Variants in GREB1 observed in about 807,000 individuals in gnomAD.
The protein encoded by GREB1 is growth regulating estrogen receptor binding 1.
A neutral mutation model predicts 200.7 loss-of-function variants in GREB1; 106 were observed. The observed-to-expected ratio is 0.53, with a 90% CI of 0.45 to 0.62. The LOEUF (loss-of-function observed/expected upper bound fraction) is 0.62, where lower values mean the gene tolerates loss of function less well. GREB1 is among the 20% of genes least tolerant of loss of function. GREB1 has a pLI of 0.00. For synonymous variants in GREB1, 1,132 were observed against 1,092.4 expected (o/e 1.04, Z -0.72); for missense variants, 2,243 against 2,556.8 (o/e 0.88, Z 2.65).
At chr2:11,588,128 C>T (rs776430259) in intron 9 of GREB1, 23 of 414,458 alleles carry the variant, frequency 5.5e-5, no homozygotes, top group Non-Finnish European at 7.5e-5. Context: ...ACTCGGGAGG[C>T]TGAGGTGGGA....
At chr2:11,498,858 C>T (rs1197844313) in intron 1 of GREB1, among the ~76,000 whole-genome samples, 1 of 152,206 alleles carries the variant, frequency 6.6e-6, no homozygotes, top group Non-Finnish European at 1.5e-5. Context: ...TTGTCAGCCC[C>T]TGTGACATCT....
chr2:11,619,660 T>C (rs1683836856), intron 22 of GREB1, among the ~76,000 whole-genome samples: 1 of 152,244 alleles, frequency 6.6e-6, no homozygotes, highest in African/African-American at 2.4e-5. Context: ...ACTAGTAAGG[T>C]TGACATATTC....
At chr2:11,482,996 G>A (rs1230521113) in intron 1 of GREB1, among the ~76,000 whole-genome samples, 6 of 151,512 alleles carry the variant, frequency 4.0e-5, no homozygotes, top group Admixed American at 2.6e-4. Context: ...GCAGCGGGCG[G>A]AGCGGGGGCG....
At chr2:11,621,104 C>A in intron 23 of GREB1, 97 bp downstream of exon 23, 1 of 785,964 alleles carries the variant, frequency 1.3e-6, no homozygotes, top group South Asian at 1.5e-5. Context: ...ATGGAATTCT[C>A]AGATTCATGA....
rs1256464294 is a variant in GREB1 at position 11,607,551 on chromosome 2, CAT to C, written c.2667-3135_2667-3134del. ...ATACACATATATATACATATATGTACATACATATATATACGCATATATACACA... is the reference window on the plus strand; with the variant it reads ...ATACACATATATATACATATATGTACACATATATATACGCATATATACACA... On this transcript the variant is annotated intron_variant, in intron 17 of 32. Coordinates refer to ENST00000381486, the MANE Select transcript of GREB1 (RefSeq NM_014668.4). Among the ~76,000 whole-genome samples, 346 of 107,342 alleles carry C rather than the reference CAT, an allele frequency of 3.2e-3. 2 individuals carry two copies. Among genetic ancestry groups the C allele is most frequent in the African/African-American group, 0.015 (320 of 21,746 alleles). 70.4% of individuals were successfully genotyped at this position (107,342 alleles called of 152,430 possible). A position where few individuals can be genotyped will look rare whatever the true frequency, so the allele number is the denominator to read the frequency against.
intron 1 of GREB1, among the ~76,000 whole-genome samples, chr2:11,544,958 G>A (rs781593965): frequency 6.6e-6 from 1 of 151,994 alleles, no homozygotes; most frequent in Non-Finnish European, 1.5e-5. Flanking sequence ...AGGATTACAG[G>A]CGCCTGCCAC....
At chr2:11,634,100 C>G in intron 28 of GREB1, 31 bp from the exon 29 acceptor site, 1 of 1,590,642 alleles carries the variant, frequency 6.3e-7, no homozygotes, top group Middle Eastern at 1.7e-4. Flanking sequence ...CGTGTGTCAG[C>G]CTAGGGACTC....
chr2:11,493,570 C>T lies in GREB1; in HGVS notation c.-159+11189C>T, dbSNP rs138774456. The stretch of plus-strand genomic sequence containing the variant: ...GGCCTGCTTCCTAACAGGCCATGGA[C>T]CAGTACCAGTCTGTGGCCCGGGGAC... On this transcript the variant is annotated intron_variant, in intron 1 of 2. Transcript: ENST00000628795. This position sits in a 1 kb window ranked among gnomAD's most constrained non-coding sequence, Gnocchi z 4.6. Among the ~76,000 whole-genome samples the T allele has an allele frequency of 2.0e-3, 303 of 152,324 alleles. 3 individuals carry two copies. Among genetic ancestry groups the T allele is most frequent in the African/African-American group, 7.1e-3 (295 of 41,574 alleles).
intron 6 of GREB1, 75 bp downstream of exon 6, chr2:11,578,506 T>A: frequency 6.8e-7 from 1 of 1,479,696 alleles, no homozygotes; most frequent in Non-Finnish European, 9.3e-7. Context: ...CGGTTGACTA[T>A]GCCGTCAAGC....
chr2:11,577,393 C>T (rs968783282), intron 5 of GREB1, among the ~76,000 whole-genome samples: 4 of 152,204 alleles, frequency 2.6e-5, no homozygotes, highest in African/African-American at 9.6e-5. Context: ...AACAATGCCC[C>T]ACCCAAGCCC....
chr2:11,562,937 A>G (rs901331789), intron 3 of GREB1: 5 of 173,960 alleles, frequency 2.9e-5, no homozygotes, highest in Non-Finnish European at 4.8e-5. Flanking sequence ...TGCACAGCAT[A>G]TTGAACTCAC....
chr2:11,589,015 G>C, intron 10 of GREB1, 84 bp downstream of exon 10: 2 of 1,032,462 alleles, frequency 1.9e-6, no homozygotes, highest in African/African-American at 3.1e-5. Context: ...CGTGGGGGCT[G>C]ACTTGGGCTG....
Position 11,610,709 on chromosome 2 carries a change from G to A in GREB1, c.2688G>A (p.Ala896=), listed in dbSNP as rs779389270. ...GCAGGTTCCCCCGCCTGCACAGCGC[G>A]GTGATCAGGACCTTTGTTCTCGTGC... ...LGKRFPRLHS[A]VIRTFVLVQH... The change falls in exon 18 of 33, where the codon GCG becomes GCA. Residue 896 remains alanine, a synonymous_variant. Coordinates refer to ENST00000381486, the MANE Select transcript of GREB1 (RefSeq NM_014668.4). 44 of 1,612,762 alleles carry A rather than the reference G, an allele frequency of 2.7e-5. No homozygotes were observed. Among genetic ancestry groups the A allele is most frequent in the African/African-American group, 4.0e-5 (3 of 74,942 alleles).
intron 8 of GREB1, 26 bp downstream of exon 8, chr2:11,585,300 A>G: frequency 7.2e-7 from 1 of 1,394,304 alleles, no homozygotes; most frequent in Non-Finnish European, 9.7e-7. Flanking sequence ...CTTGCCCAGA[A>G]TTCCAGACTT....
chr2:11,610,721 C>A lies in GREB1; in HGVS notation c.2700C>A (p.Thr900=), dbSNP rs768132067. 15 of 1,613,164 alleles carry A rather than the reference C, an allele frequency of 9.3e-6. No individual in the cohort carries two copies. In the African/African-American group the frequency reaches 1.2e-4, roughly 13 times the overall value. ...GCCTGCACAGCGCGGTGATCAGGAC[C>A]TTTGTTCTCGTGCAGCACTACGCGG... ...FPRLHSAVIR[T]FVLVQHYAAA... The change falls in exon 18 of 33, where the codon ACC becomes ACA. Residue 900 remains threonine, a synonymous_variant. Transcript: ENST00000381486.
intron 1 of GREB1, among the ~76,000 whole-genome samples, chr2:11,515,088 A>C (rs1572573773): frequency 4.4e-5 from 6 of 137,572 alleles, no homozygotes; most frequent in South Asian, 2.4e-4. Context: ...CTCTTCCCCC[A>C]CCTGCCCATC....
At chr2:11,498,201 T>A (rs1039587505) in intron 1 of GREB1, among the ~76,000 whole-genome samples, 19 of 152,050 alleles carry the variant, frequency 1.2e-4, no homozygotes, top group African/African-American at 4.3e-4. Flanking sequence ...TCATAAAAAA[T>A]TTGTTTTTTC....
chr2:11,593,317 G>A (rs1175151037), intron 11 of GREB1, among the ~76,000 whole-genome samples, 191 bp downstream of exon 11: 1 of 152,220 alleles, frequency 6.6e-6, no homozygotes, highest in African/African-American at 2.4e-5. Context: ...TCTCATCCCT[G>A]CTCTGAGTGG....
intron 1 of GREB1, among the ~76,000 whole-genome samples, chr2:11,523,606 T>G (rs889328597): frequency 2.0e-5 from 3 of 152,130 alleles, no homozygotes; most frequent in African/African-American, 7.2e-5. Context: ...GTCCTTGAGT[T>G]CTAAGCTATA....
Sources: gnomAD v4.1 joint callset for allele counts (sites outside exome capture counted in the v4.1 genomes callset) on GRCh38, gnomAD v4.1.1 for gene constraint, Gnocchi (gnomAD v3.1) non-coding constraint, MANE v1.5 for transcripts, NCBI Gene and HGNC (gene_info 2026-07-23, HGNC 2026-07-21) for gene names.